IGF1R: variants seen among roughly 807,000 people sequenced by gnomAD.
IGF1R encodes the protein insulin like growth factor 1 receptor.
A neutral mutation model predicts 144.6 loss-of-function variants in IGF1R; 44 were observed. That is an observed-to-expected ratio of 0.30 (90% CI 0.24 to 0.39). IGF1R has a LOEUF of 0.39. Ranked by LOEUF, IGF1R falls within the 10% of genes least tolerant of loss-of-function variation. The pLI is 1.00. For missense variants in IGF1R, 1,355 were observed against 1,833.7 expected (o/e 0.74, Z 4.77); for synonymous variants, 795 against 722.8 (o/e 1.10, Z -1.60).
intron 2 of IGF1R, among the ~76,000 whole-genome samples, chr15:98,828,913 C>G (rs2056950852): frequency 6.6e-6 from 1 of 151,484 alleles, no homozygotes; most frequent in African/African-American, 2.4e-5. Context: ...GCCTTAGAAT[C>G]CTTTCTGTGA....
rs1013533440 is a variant in IGF1R at position 98,959,995 on chromosome 15, T to G, written c.*2553T>G. 5.2e-5 allele frequency: 12 copies of G among 230,470 alleles called. No homozygotes were observed. Among genetic ancestry groups the G allele is most frequent in the South Asian group, 3.7e-4 (2 of 5,446 alleles). 14.3% of individuals were successfully genotyped at this position (230,470 alleles called of 1,614,324 possible). ...GGTGTGTGTGTGTGTATGTGTGGGG[T>G]GTGTGTGTGTGAGAGTGATGGGACA... On this transcript the variant is annotated 3_prime_UTR_variant, in exon 21 of 21. Transcript: ENST00000650285.
Position 98,675,271 on chromosome 15 carries a change from G to C in IGF1R, c.94+25596G>C, listed in dbSNP as rs148775349. Among the ~76,000 whole-genome samples the C allele has an allele frequency of 5.8e-4, 88 of 152,188 alleles. No homozygotes were observed. In the East Asian group the frequency reaches 0.016, roughly 27 times the overall value. ...CCCAGAGTGCTGGGATTACAGGTGT[G>C]AGCCACTGTGCCTGGCCCATTTTAT... On this transcript the variant is annotated intron_variant, in intron 1 of 20. Coordinates refer to ENST00000650285, the MANE Select transcript of IGF1R (RefSeq NM_000875.5).
chr15:98,948,225 G>A (rs539183650), intron 19 of IGF1R, among the ~76,000 whole-genome samples: 25 of 152,280 alleles, frequency 1.6e-4, no homozygotes, highest in Admixed American at 7.8e-4. Flanking sequence ...AGGTGATACC[G>A]CCTTGCCAGA....
chr15:98,920,721 TGTG>T (rs2015448721), intron 10 of IGF1R, among the ~76,000 whole-genome samples: 1 of 152,098 alleles, frequency 6.6e-6, no homozygotes, highest in South Asian at 2.1e-4. Flanking sequence ...GCCCTGACCT[TGTG>T]GTTTTCTGCT....
At chr15:98,693,113 C>T (rs1394229008) in intron 1 of IGF1R, among the ~76,000 whole-genome samples, 1 of 152,184 alleles carries the variant, frequency 6.6e-6, no homozygotes, top group African/African-American at 2.4e-5. Flanking sequence ...GCAGCACCCC[C>T]CTGACCCCAT....
chr15:98,790,149 T>C (rs983332288), intron 2 of IGF1R, among the ~76,000 whole-genome samples: 1 of 152,116 alleles, frequency 6.6e-6, no homozygotes, highest in African/African-American at 2.4e-5. Context: ...GAGATGGGCT[T>C]GGTCATTGCA....
At chr15:98,669,608 C>G (rs1249190907) in intron 1 of IGF1R, among the ~76,000 whole-genome samples, 1 of 152,202 alleles carries the variant, frequency 6.6e-6, no homozygotes, top group Admixed American at 6.5e-5. Flanking sequence ...ACATTGGGAC[C>G]TTTTGCTTCC....
At chr15:98,845,492 T>TCCTTCTCCTCCTC (rs2011285018) in intron 2 of IGF1R, among the ~76,000 whole-genome samples, 1 of 99,342 alleles carries the variant, frequency 1.0e-5, no homozygotes, top group African/African-American at 3.9e-5. Flanking sequence ...TCCTCCTCCT[T>TCCTTCTCCTCCTC]CCTTCTCCTC....
Position 98,857,810 on chromosome 15 carries a change from T to G in IGF1R, c.641-33515T>G, listed in dbSNP as rs553930087. 1.1e-4 allele frequency among the ~76,000 whole-genome samples: 16 copies of G among 152,342 alleles called. No homozygotes were observed. The South Asian group carries it at 3.3e-3, about 32-fold the overall frequency. The stretch of plus-strand genomic sequence containing the variant: ...CACAGGATTAACTGACAAAATTCTT[T>G]CCTCTTAAAAATATGTGTTTATTTT... On this transcript the variant is annotated intron_variant, in intron 2 of 20. Coordinates refer to ENST00000650285, the MANE Select transcript of IGF1R (RefSeq NM_000875.5).
intron 2 of IGF1R, among the ~76,000 whole-genome samples, chr15:98,807,956 C>T (rs2056502806): frequency 6.6e-6 from 1 of 152,126 alleles, no homozygotes; most frequent in Non-Finnish European, 1.5e-5. Context: ...AAAACATTGC[C>T]TTATGATTGG....
chr15:98,920,729 T>G (rs1273990002), intron 10 of IGF1R, among the ~76,000 whole-genome samples: 2 of 152,200 alleles, frequency 1.3e-5, no homozygotes, highest in Admixed American at 6.5e-5. Flanking sequence ...CTTGTGGTTT[T>G]CTGCTTGTTG....
intron 2 of IGF1R, among the ~76,000 whole-genome samples, chr15:98,762,003 C>A (rs1157961631): frequency 6.6e-6 from 1 of 152,174 alleles, no homozygotes; most frequent in African/African-American, 2.4e-5. Flanking sequence ...CCTGTTATAT[C>A]AGTCGATCTT....
At chr15:98,887,846 G>C (rs144090348) in intron 2 of IGF1R, among the ~76,000 whole-genome samples, 1 of 152,166 alleles carries the variant, frequency 6.6e-6, no homozygotes, top group Non-Finnish European at 1.5e-5. Flanking sequence ...CATGTCCCTT[G>C]CACTGCGGCC....
rs146881302 is a variant in IGF1R, at chr15:98,959,529, G to A, written c.*2087G>A. 241 of 233,558 alleles carry A rather than the reference G, an allele frequency of 1.0e-3. No homozygotes were observed. Among genetic ancestry groups the A allele is most frequent in the African/African-American group, 4.7e-3 (214 of 45,482 alleles). 14.5% of individuals were successfully genotyped at this position (233,558 alleles called of 1,614,324 possible). ...AGTGCTAGGTGGAGGCAGCACAGAC[G>A]CCACGGTGGCCCAAGAGCCCCTTTG... is the stretch of plus-strand genomic sequence containing the variant. On this transcript the variant is annotated 3_prime_UTR_variant, in exon 21 of 21. Transcript: ENST00000650285.
At chr15:98,879,169 A>G (rs1435565947) in intron 2 of IGF1R, among the ~76,000 whole-genome samples, 1 of 152,210 alleles carries the variant, frequency 6.6e-6, no homozygotes, top group Non-Finnish European at 1.5e-5. Context: ...CGTTACCATT[A>G]TAACTTATCT....
chr15:98,826,432 A>C (rs1271494789), intron 2 of IGF1R, among the ~76,000 whole-genome samples: 2 of 152,234 alleles, frequency 1.3e-5, no homozygotes, highest in African/African-American at 2.4e-5. Flanking sequence ...CCTGAAAGCA[A>C]AATGATATTT....
rs777538786 is a variant in IGF1R at position 98,891,304 on chromosome 15, G to T, written c.641-21G>T. ...GCCTCCCCTGCCCGGTCTCATCTCC[G>T]TCTCTCCTCTCTCTCCACAGTGTGC... On this transcript the variant is annotated intron_variant, in intron 2 of 20. Coordinates refer to ENST00000650285, the MANE Select transcript of IGF1R (RefSeq NM_000875.5). This position sits in a 1 kb window ranked among gnomAD's most constrained non-coding sequence, Gnocchi z 4.7. 1.9e-6 allele frequency: 3 copies of T among 1,602,888 alleles called. No individual in the cohort carries two copies. Among genetic ancestry groups the T allele is most frequent in the East Asian group, 4.5e-5 (2 of 44,838 alleles).
At chr15:98,710,006 A>C (rs2053956038) in intron 2 of IGF1R, among the ~76,000 whole-genome samples, 1 of 152,166 alleles carries the variant, frequency 6.6e-6, no homozygotes, top group Non-Finnish European at 1.5e-5. Context: ...TGAGCAAGTT[A>C]TTTAAATTGC....
At chr15:98,791,224 T>A (rs958413236) in intron 2 of IGF1R, among the ~76,000 whole-genome samples, 5 of 152,212 alleles carry the variant, frequency 3.3e-5, no homozygotes, top group African/African-American at 9.6e-5. Context: ...ATCTTGGGGG[T>A]GTGGTTGCCC....
Sources: allele counts gnomAD v4.1 joint callset (sites outside exome capture counted in the v4.1 genomes callset), GRCh38; gene constraint gnomAD v4.1.1; non-coding constraint Gnocchi (gnomAD v3.1); transcripts MANE v1.5; gene names NCBI Gene and HGNC (gene_info 2026-07-23, HGNC 2026-07-21).